TMEM108: variants seen among roughly 807,000 people sequenced by gnomAD.
TMEM108 encodes the protein transmembrane protein 108, also known as cancer/testis antigen 124.
TMEM108 carries 12 observed loss-of-function variants against 35.1 expected under a neutral mutation model. That is an observed-to-expected ratio of 0.34 (90% confidence interval 0.22 to 0.55). The LOEUF (loss-of-function observed/expected upper bound fraction) is 0.55, where lower values mean the gene tolerates loss of function less well. Among genes scored for constraint, TMEM108 ranks in the 20% least tolerant of loss-of-function variants. The pLI, the probability that TMEM108 is intolerant of heterozygous loss-of-function variation, is 0.89. For synonymous variants in TMEM108, 287 were observed against 308.6 expected, an observed-to-expected ratio of 0.93 and a Z score of 0.73; for missense variants, 680 against 753.3, an observed-to-expected ratio of 0.90 and a Z score of 1.14.
Position 133,040,202 on chromosome 3 carries a change from G to GTTTT in TMEM108, c.-166+1770_-166+1771insTTTT, listed in dbSNP as rs200928853. On this transcript the variant is annotated intron_variant, in intron 1 of 5. Transcript: ENST00000321871. ...TTATCACAGTTTTTTTTGTTTGTTT[G>GTTTT]TTTGTTTTTTTTTTTTTTTGAGACG... Among the ~76,000 whole-genome samples the GTTTT allele has an allele frequency of 2.5e-3, 302 of 119,608 alleles. 2 individuals carry two copies. The highest frequency in any genetic ancestry group is 6.2e-3 in the African/African-American group (211 of 34,168). The allele number at this position is 119,608 out of a possible 152,430, so 78.5% of individuals were successfully genotyped here.
chr3:133,189,991 T>G (rs2107813167), intron 2 of TMEM108, among the ~76,000 whole-genome samples: 1 of 152,292 alleles, frequency 6.6e-6, no homozygotes, highest in South Asian at 2.1e-4. Flanking sequence ...TCTTTGCTTT[T>G]GGTTGGAAGC....
intron 2 of TMEM108, among the ~76,000 whole-genome samples, chr3:133,051,831 C>T (rs1248791373): frequency 6.6e-6 from 1 of 152,092 alleles, no homozygotes; most frequent in Non-Finnish European, 1.5e-5. Context: ...TATTTCTAGG[C>T]TCTCTATTCT....
chr3:133,246,123 A>G (rs1478823154), intron 3 of TMEM108: 1 of 152,248 alleles, frequency 6.6e-6, no homozygotes, highest in Non-Finnish European at 1.5e-5. Flanking sequence ...TGACTGAATT[A>G]GCTATCACCT....
At chr3:133,316,851 C>A (rs1397235468) in intron 3 of TMEM108, among the ~76,000 whole-genome samples, 2 of 152,260 alleles carry the variant, frequency 1.3e-5, no homozygotes, top group South Asian at 2.1e-4. Context: ...ATTGAAAGGC[C>A]AGACAGACCG....
At chr3:133,120,336 GGA>G (rs1944337307) in intron 2 of TMEM108, among the ~76,000 whole-genome samples, 1 of 152,130 alleles carries the variant, frequency 6.6e-6, no homozygotes, top group Non-Finnish European at 1.5e-5. Context: ...ATATTTTGAG[GGA>G]CAACTACTAT....
At chr3:133,118,654 GC>G (rs1944315721) in intron 2 of TMEM108, among the ~76,000 whole-genome samples, 1 of 152,150 alleles carries the variant, frequency 6.6e-6, no homozygotes. Flanking sequence ...ATTTAAAACT[GC>G]ACTTGACACC....
chr3:133,265,557 C>A (rs113058137), intron 3 of TMEM108, among the ~76,000 whole-genome samples: 2,168 of 152,230 alleles, frequency 0.014, 63 homozygotes, highest in African/African-American at 0.05. Flanking sequence ...ACACCTCTAA[C>A]CTTTCCATCT....
At chr3:133,090,694 G>A (rs2107706380) in intron 2 of TMEM108, among the ~76,000 whole-genome samples, 1 of 152,272 alleles carries the variant, frequency 6.6e-6, no homozygotes, top group Middle Eastern at 3.4e-3. Context: ...AAACTCATTG[G>A]TTAGCAGTTT....
At chr3:133,239,727 GCTATT>G (rs1349133426) in intron 3 of TMEM108, among the ~76,000 whole-genome samples, 1 of 152,152 alleles carries the variant, frequency 6.6e-6, no homozygotes, top group Non-Finnish European at 1.5e-5. Flanking sequence ...CTTGAGAATC[GCTATT>G]GTAGACTTAT....
At chr3:133,198,580 C>T (rs769779344) in intron 2 of TMEM108, among the ~76,000 whole-genome samples, 10 of 152,192 alleles carry the variant, frequency 6.6e-5, no homozygotes, top group Admixed American at 3.9e-4. Flanking sequence ...GGGGATCTTA[C>T]ATGTGAACTG....
intron 1 of TMEM108, among the ~76,000 whole-genome samples, chr3:133,045,669 A>G (rs1030364622): frequency 6.6e-6 from 1 of 152,236 alleles, no homozygotes; most frequent in Non-Finnish European, 1.5e-5. Flanking sequence ...TATGTTTTAA[A>G]CATGGCAGGA....
intron 3 of TMEM108, among the ~76,000 whole-genome samples, chr3:133,301,469 G>A (rs78701068): frequency 0.017 from 2,573 of 152,270 alleles, 79 homozygotes; most frequent in African/African-American, 0.057. Flanking sequence ...TTGCTGAAAA[G>A]CATTATCTGG....
intron 2 of TMEM108, among the ~76,000 whole-genome samples, chr3:133,157,920 A>C (rs1231032760): frequency 6.6e-6 from 1 of 152,196 alleles, no homozygotes; most frequent in African/African-American, 2.4e-5. Flanking sequence ...TAGTGCTAGC[A>C]CTGCAGACTA....
chr3:133,117,260 A>G (rs1274796311), intron 2 of TMEM108, among the ~76,000 whole-genome samples: 1 of 152,208 alleles, frequency 6.6e-6, no homozygotes, highest in Non-Finnish European at 1.5e-5. Flanking sequence ...AAACCATCCC[A>G]TCTGAGTGAT....
At chr3:133,174,400 C>T (rs542882084) in intron 2 of TMEM108, among the ~76,000 whole-genome samples, 5 of 152,252 alleles carry the variant, frequency 3.3e-5, no homozygotes, top group South Asian at 2.1e-4. Flanking sequence ...CCCTGACCCC[C>T]GAGTAGCCTA....
intron 2 of TMEM108, among the ~76,000 whole-genome samples, chr3:133,050,105 A>G (rs1037191020): frequency 1.3e-5 from 2 of 152,234 alleles, no homozygotes; most frequent in East Asian, 1.9e-4. Context: ...TAGACACACA[A>G]TTTTTCAAAG....
chr3:133,074,768 C>T (rs1464918638), intron 2 of TMEM108, among the ~76,000 whole-genome samples: 2 of 152,104 alleles, frequency 1.3e-5, no homozygotes, highest in Admixed American at 6.6e-5. Flanking sequence ...GGATTACAGG[C>T]GTGAGCCACT....
intron 2 of TMEM108, among the ~76,000 whole-genome samples, chr3:133,222,182 G>A (rs1946001863): frequency 6.6e-6 from 1 of 151,916 alleles, no homozygotes; most frequent in Non-Finnish European, 1.5e-5. Flanking sequence ...CAGCTTTGCT[G>A]GTTTCAGGGG....
intron 2 of TMEM108, among the ~76,000 whole-genome samples, chr3:133,167,724 C>T (rs554369221): frequency 3.3e-5 from 5 of 152,296 alleles, no homozygotes; most frequent in South Asian, 2.1e-4. Context: ...CCGGAACTTG[C>T]GCTGGCCCGT....
Sources: gnomAD v4.1 joint callset for allele counts (sites outside exome capture counted in the v4.1 genomes callset) on GRCh38, gnomAD v4.1.1 for gene constraint, MANE v1.5 for transcripts, NCBI Gene and HGNC (gene_info 2026-07-23, HGNC 2026-07-21) for gene names.